CDH13: variants seen among roughly 807,000 people sequenced by gnomAD.
CDH13 encodes the protein cadherin 13, also known as cadherin-13.
In CDH13, 24 loss-of-function variants were observed where a neutral mutation model predicts 63.8. That is an observed-to-expected ratio of 0.38 (90% CI 0.27 to 0.53). The LOEUF (loss-of-function observed/expected upper bound fraction) is 0.53. CDH13 is among the 20% of genes least tolerant of loss of function. CDH13 has a pLI of 0.85. For missense variants in CDH13, 1,049 were observed against 903.1 expected, an observed-to-expected ratio of 1.16 and a Z score of -2.07; for synonymous variants, 503 against 355.3, an observed-to-expected ratio of 1.42 and a Z score of -4.67.
At chr16:82,803,861 T>A (rs1368922777) in intron 1 of CDH13, among the ~76,000 whole-genome samples, 3 of 152,138 alleles carry the variant, frequency 2.0e-5, no homozygotes, top group Non-Finnish European at 4.4e-5. Flanking sequence ...ATCAATTATA[T>A]GGGAAGAAAA....
chr16:83,511,809 A>C (rs1416631330), intron 7 of CDH13, among the ~76,000 whole-genome samples: 1 of 152,208 alleles, frequency 6.6e-6, no homozygotes, highest in Admixed American at 6.5e-5. Context: ...ATGTTTAATG[A>C]GAAATAAGCC....
chr16:82,939,227 C>A (rs1286632058), intron 2 of CDH13, among the ~76,000 whole-genome samples: 1 of 152,150 alleles, frequency 6.6e-6, no homozygotes, highest in African/African-American at 2.4e-5. Flanking sequence ...GGTTTGAGAT[C>A]AGCCTGGGCA....
At chr16:82,696,854 T>C (rs1206134429) in intron 1 of CDH13, among the ~76,000 whole-genome samples, 1 of 152,208 alleles carries the variant, frequency 6.6e-6, no homozygotes, top group Non-Finnish European at 1.5e-5. Context: ...TTGGTTGAAA[T>C]AGGAGTCATC....
At chr16:83,637,226 G>C (rs1267760546) in intron 8 of CDH13, among the ~76,000 whole-genome samples, 1 of 151,082 alleles carries the variant, frequency 6.6e-6, no homozygotes, top group South Asian at 2.1e-4. Context: ...TATCAAAAAC[G>C]TCTAATAGAA....
At chr16:83,357,979 G>A (rs183551575) in intron 6 of CDH13, among the ~76,000 whole-genome samples, 1 of 152,276 alleles carries the variant, frequency 6.6e-6, no homozygotes, top group East Asian at 1.9e-4. Context: ...ACTTGCCACA[G>A]CAGGCTAGAG....
intron 4 of CDH13, among the ~76,000 whole-genome samples, chr16:83,177,262 GC>G (rs746876800): frequency 4.9e-4 from 74 of 152,102 alleles, no homozygotes; most frequent in Non-Finnish European, 2.9e-4. Flanking sequence ...TGATAACATT[GC>G]TCATGCTCAG....
At position 83,182,977 on chromosome 16, in the gene CDH13, C is replaced by T. The variant is rs141677025; in HGVS notation, c.484-34368C>T. Among the ~76,000 whole-genome samples, 188 of 151,670 alleles carry T rather than the reference C, an allele frequency of 1.2e-3. 2 individuals are homozygous for T. Among genetic ancestry groups the T allele is most frequent in the African/African-American group, 4.4e-3 (182 of 41,340 alleles). On this transcript the variant is annotated intron_variant, in intron 4 of 13. Transcript: ENST00000567109. ...AATTGTGGCAGTTTTCTGTTTGATTCACAGTAAAAAAGAATAAAAAATAAA... is the reference window on the plus strand; with the variant it reads ...AATTGTGGCAGTTTTCTGTTTGATTTACAGTAAAAAAGAATAAAAAATAAA...
intron 7 of CDH13, among the ~76,000 whole-genome samples, chr16:83,554,643 C>A (rs1754647631): frequency 6.6e-6 from 1 of 151,990 alleles, no homozygotes; most frequent in South Asian, 2.1e-4. Flanking sequence ...ACTGCAAAAA[C>A]CACAACCTTG....
At chr16:82,850,759 C>A (rs1354645198) in intron 1 of CDH13, among the ~76,000 whole-genome samples, 1 of 152,200 alleles carries the variant, frequency 6.6e-6, no homozygotes, top group Non-Finnish European at 1.5e-5. Flanking sequence ...ACCCTCATCA[C>A]TCAGCAGCCA....
intron 10 of CDH13, among the ~76,000 whole-genome samples, chr16:83,703,857 C>A (rs542894577): frequency 6.6e-6 from 1 of 152,136 alleles, no homozygotes; most frequent in Non-Finnish European, 1.5e-5. Context: ...ATAATAGGCA[C>A]GAACTCGCAA....
Position 83,508,095 on chromosome 16 carries a change from GGAAA to G in CDH13, c.960+21444_960+21447del, listed in dbSNP as rs1287577319. ...AGGAAGGAAGGAAGGAAGGAAGGAAGGAAAGAAGGAAGGAAAAGGAAGGAAGGGA... is the reference window on the plus strand; with the variant it reads ...AGGAAGGAAGGAAGGAAGGAAGGAAGGAAGGAAGGAAAAGGAAGGAAGGGA... On this transcript the variant is annotated intron_variant, in intron 7 of 13. Transcript: ENST00000567109. 2.5e-3 allele frequency among the ~76,000 whole-genome samples: 186 copies of G among 73,236 alleles called. 6 individuals carry two copies. Among genetic ancestry groups the G allele is most frequent in the African/African-American group, 5.6e-3 (113 of 20,058 alleles). The allele number at this position is 73,236 out of a possible 152,430, so 48.0% of individuals were successfully genotyped here.
chr16:83,569,077 C>G (rs558981872), intron 7 of CDH13, among the ~76,000 whole-genome samples: 1 of 152,130 alleles, frequency 6.6e-6, no homozygotes, highest in Non-Finnish European at 1.5e-5. Context: ...TCCTTTCCCT[C>G]CTTCTGAACA....
rs527545394 is a variant in CDH13 at position 83,044,489 on chromosome 16, T to C, written c.366+12271T>C. Among the ~76,000 whole-genome samples, 79 of 152,126 alleles carry C rather than the reference T, an allele frequency of 5.2e-4. No homozygotes were observed. The South Asian group carries it at 0.016, about 31-fold the overall frequency. ...AAAAACTTTTCCTGTGAATAGAACCTTTACAAAAAGAACCTTGTGGAAACA... is the reference window on the plus strand; with the variant it reads ...AAAAACTTTTCCTGTGAATAGAACCCTTACAAAAAGAACCTTGTGGAAACA... On this transcript the variant is annotated intron_variant, in intron 3 of 13. Coordinates refer to ENST00000567109, the MANE Select transcript of CDH13 (RefSeq NM_001257.5).
chr16:82,889,691 A>G (rs1020633092), intron 2 of CDH13, among the ~76,000 whole-genome samples: 1 of 152,258 alleles, frequency 6.6e-6, no homozygotes, highest in East Asian at 1.9e-4. Flanking sequence ...AGGGTTACAC[A>G]TGACAGAGTT....
chr16:83,643,296 A>AG (rs1239265802), intron 8 of CDH13, among the ~76,000 whole-genome samples: 4 of 77,672 alleles, frequency 5.1e-5, no homozygotes, highest in Admixed American at 4.4e-4. Flanking sequence ...AAAAAAAAAA[A>AG]AAAAAGAAAA....
At chr16:83,578,488 A>G (rs565938923) in intron 7 of CDH13, among the ~76,000 whole-genome samples, 1 of 152,332 alleles carries the variant, frequency 6.6e-6, no homozygotes, top group East Asian at 1.9e-4. Context: ...TGAGTGTTCA[A>G]AAGCAGAAGA....
intron 7 of CDH13, among the ~76,000 whole-genome samples, chr16:83,508,025 T>G (rs1275792029): frequency 2.5e-5 from 3 of 121,988 alleles, no homozygotes; most frequent in African/African-American, 9.8e-5. Context: ...AGAGCAACAT[T>G]CGGTCGAAAG....
At chr16:83,371,091 T>G (rs12716734) in intron 6 of CDH13, among the ~76,000 whole-genome samples, 3 of 152,106 alleles carry the variant, frequency 2.0e-5, no homozygotes, top group African/African-American at 7.2e-5. Flanking sequence ...CTAGTGGGAA[T>G]GTAAGTTAGT....
chr16:83,615,250 A>G (rs1036315343), intron 8 of CDH13, among the ~76,000 whole-genome samples: 1 of 152,150 alleles, frequency 6.6e-6, no homozygotes, highest in African/African-American at 2.4e-5. Context: ...CTTTAACATC[A>G]GATGCACTTG....
Sources: allele counts gnomAD v4.1 joint callset (sites outside exome capture counted in the v4.1 genomes callset), GRCh38; gene constraint gnomAD v4.1.1; transcripts MANE v1.5; gene names NCBI Gene and HGNC (gene_info 2026-07-23, HGNC 2026-07-21).